Variants in FHOD3 observed in about 807,000 individuals in gnomAD.
The protein encoded by FHOD3 is FH1/FH2 domain-containing protein 3.
In FHOD3, 90 loss-of-function variants were observed where a neutral mutation model predicts 173.0. The ratio of observed to expected loss-of-function variants is 0.52; its 90% CI spans 0.44 to 0.62. FHOD3 has a LOEUF of 0.62. FHOD3 is among the 20% of genes least tolerant of loss of function. The pLI, the probability that FHOD3 is intolerant of heterozygous loss-of-function variation, is 0.00. For synonymous variants in FHOD3, 828 were observed against 823.0 expected (o/e 1.01, Z -0.10); for missense variants, 1,945 against 2,034.7 (o/e 0.96, Z 0.85).
intron 10 of FHOD3, among the ~76,000 whole-genome samples, chr18:36,638,865 GTT>G (rs2035078896): frequency 6.6e-6 from 1 of 152,176 alleles, no homozygotes; most frequent in Admixed American, 6.5e-5. Flanking sequence ...GCTTGTCCTG[GTT>G]TAGGAGGGTG....
chr18:36,376,156 A>T (rs1237720348), intron 3 of FHOD3, among the ~76,000 whole-genome samples: 8 of 152,232 alleles, frequency 5.3e-5, no homozygotes, highest in African/African-American at 1.7e-4. Context: ...AAATCTCATC[A>T]TGAAGAGAAA....
In FHOD3 at chr18:36,674,759, C is replaced by T. The variant is rs533424126; in HGVS notation, c.1836-6677C>T. Among the ~76,000 whole-genome samples the T allele has an allele frequency of 6.0e-4, 91 of 152,230 alleles. No individual in the cohort carries two copies. In the Middle Eastern group the frequency reaches 0.014, roughly 23 times the overall value. On this transcript the variant is annotated intron_variant, in intron 14 of 28. Transcript: ENST00000590592. ...CAGTGAGGGGAGCATCTTGGGGCAG[C>T]TCCGAGACTTCACATGAAGACAAAC...
chr18:36,514,833 C>T (rs761612253), intron 5 of FHOD3, among the ~76,000 whole-genome samples: 12 of 152,182 alleles, frequency 7.9e-5, no homozygotes, highest in Middle Eastern at 3.2e-3. Context: ...CTAGACCTCA[C>T]GTGGATTAGA....
intron 14 of FHOD3, among the ~76,000 whole-genome samples, chr18:36,678,904 C>CT (rs1354089789): frequency 2.0e-5 from 3 of 150,672 alleles, no homozygotes; most frequent in Non-Finnish European, 4.4e-5. Context: ...TCTTATCTGG[C>CT]TTTAGTGTCA....
Position 36,407,679 on chromosome 18 carries a change from A to G in FHOD3, c.337+34935A>G, listed in dbSNP as rs1011685651. Among the ~76,000 whole-genome samples the G allele has an allele frequency of 3.9e-5, 6 of 152,060 alleles. No homozygotes were observed. In the South Asian group the frequency reaches 1.0e-3, roughly 26 times the overall value. On this transcript the variant is annotated intron_variant, in intron 3 of 28. Transcript: ENST00000590592. ...ATGTTAGGCTGCTTCTCTAAACTCT[A>G]CTGTGAGCTTCTGCAGACACCCTAC... is the stretch of plus-strand genomic sequence containing the variant.
At chr18:36,595,649 A>C (rs1455902401) in intron 7 of FHOD3, among the ~76,000 whole-genome samples, 6 of 152,010 alleles carry the variant, frequency 3.9e-5, no homozygotes, top group Admixed American at 3.9e-4. Flanking sequence ...ATGTCCCAGC[A>C]CTCCAGCTGG....
At chr18:36,648,623 C>T (rs533637526) in intron 10 of FHOD3, among the ~76,000 whole-genome samples, 2 of 152,054 alleles carry the variant, frequency 1.3e-5, no homozygotes, top group Non-Finnish European at 2.9e-5. Flanking sequence ...CTATGTTTTT[C>T]TTGGACTCAG....
rs1045919096 is a variant in FHOD3, at chr18:36,525,257, T to C, written c.511+12714T>C. On this transcript the variant is annotated intron_variant, in intron 5 of 28. Transcript: ENST00000590592. Reference sequence around the variant, plus strand: ...TTATTCTAGGTAGGATGGGCCTAAATAGATGAATCCCTGAAAAGAAAGTCT... The same window carrying C: ...TTATTCTAGGTAGGATGGGCCTAAACAGATGAATCCCTGAAAAGAAAGTCT... Among the ~76,000 whole-genome samples the C allele has an allele frequency of 7.2e-5, 11 of 152,296 alleles. No homozygotes were observed. In the East Asian group the frequency reaches 1.7e-3, roughly 24 times the overall value.
intron 3 of FHOD3, among the ~76,000 whole-genome samples, chr18:36,446,410 CTTT>C (rs370689817): frequency 1.4e-5 from 2 of 144,108 alleles, no homozygotes; most frequent in African/African-American, 2.5e-5. Context: ...CCTCTGCGGA[CTTT>C]TTTTTTTTTT....
At chr18:36,644,182 C>G (rs2035525167) in intron 10 of FHOD3, among the ~76,000 whole-genome samples, 4 of 152,256 alleles carry the variant, frequency 2.6e-5, no homozygotes, top group African/African-American at 9.6e-5. Context: ...CCTGGAGTAA[C>G]TCCTTATCAA....
chr18:36,546,440 A>G (rs2057412698), intron 5 of FHOD3, among the ~76,000 whole-genome samples: 1 of 152,164 alleles, frequency 6.6e-6, no homozygotes, highest in Non-Finnish European at 1.5e-5. Flanking sequence ...TGCAGTATTT[A>G]GTTAGTTTAA....
At chr18:36,670,001 G>A (rs1397177572) in intron 14 of FHOD3, among the ~76,000 whole-genome samples, 2 of 151,674 alleles carry the variant, frequency 1.3e-5, no homozygotes, top group Non-Finnish European at 2.9e-5. Context: ...GTTATTGCTA[G>A]GTAAAGAATT....
intron 19 of FHOD3, among the ~76,000 whole-genome samples, chr18:36,727,549 A>G (rs569506533): frequency 4.6e-5 from 7 of 152,138 alleles, no homozygotes; most frequent in Non-Finnish European, 1.0e-4. Context: ...TTCCTTCATG[A>G]TATGGGTGGA....
intron 1 of FHOD3, among the ~76,000 whole-genome samples, chr18:36,315,604 T>G (rs1434008380): frequency 6.6e-6 from 1 of 152,140 alleles, no homozygotes; most frequent in Non-Finnish European, 1.5e-5. Context: ...ACATTAGAGT[T>G]TGTGAACAGT....
At chr18:36,514,644 A>G (rs1244846595) in intron 5 of FHOD3, among the ~76,000 whole-genome samples, 1 of 152,246 alleles carries the variant, frequency 6.6e-6, no homozygotes, top group Non-Finnish European at 1.5e-5. Context: ...GTTATCCCCA[A>G]CACACAGAGA....
At chr18:36,619,502 AT>A (rs1168859054) in intron 9 of FHOD3, among the ~76,000 whole-genome samples, 3 of 152,208 alleles carry the variant, frequency 2.0e-5, no homozygotes, top group African/African-American at 7.2e-5. Flanking sequence ...TAGGAATTTG[AT>A]TGCTGAAAAC....
intron 3 of FHOD3, among the ~76,000 whole-genome samples, chr18:36,478,739 ATCTTC>A (rs1432693656): frequency 6.6e-6 from 1 of 152,148 alleles, no homozygotes; most frequent in African/African-American, 2.4e-5. Flanking sequence ...GGTTACATTT[ATCTTC>A]TCTTCTCCTT....
intron 6 of FHOD3, among the ~76,000 whole-genome samples, chr18:36,582,289 C>G (rs2058879802): frequency 6.6e-6 from 1 of 152,198 alleles, no homozygotes; most frequent in African/African-American, 2.4e-5. Context: ...GTTGTGTGAT[C>G]TGCTCAGATG....
At chr18:36,553,900 T>C (rs1252182057) in intron 5 of FHOD3, among the ~76,000 whole-genome samples, 2 of 152,222 alleles carry the variant, frequency 1.3e-5, no homozygotes, top group African/African-American at 4.8e-5. Flanking sequence ...TTATCATCAC[T>C]GGCCATCAGA....
Sources: gnomAD v4.1 joint callset for allele counts (sites outside exome capture counted in the v4.1 genomes callset) on GRCh38, gnomAD v4.1.1 for gene constraint, MANE v1.5 for transcripts, NCBI Gene and HGNC (gene_info 2026-07-23, HGNC 2026-07-21) for gene names.